Variants in FUT8 observed in about 807,000 individuals in gnomAD.
The protein encoded by FUT8 is alpha-(1,6)-fucosyltransferase.
FUT8 carries 29 observed loss-of-function variants against 71.3 expected under a neutral mutation model. That is an observed-to-expected ratio of 0.41 (90% CI 0.30 to 0.55). The LOEUF is 0.55. Ranked by LOEUF, FUT8 falls within the 20% of genes least tolerant of loss-of-function variation. The probability of loss-of-function intolerance (pLI) is 0.34; values close to 1 mark genes in which losing one functional copy is unlikely to be tolerated. For missense variants in FUT8, 544 were observed against 702.1 expected, an observed-to-expected ratio of 0.77 and a Z score of 2.55; for synonymous variants, 254 against 239.3, an observed-to-expected ratio of 1.06 and a Z score of -0.57.
intron 2 of FUT8, among the ~76,000 whole-genome samples, chr14:65,512,306 C>T (rs570161493): frequency 6.6e-6 from 1 of 152,278 alleles, no homozygotes; most frequent in South Asian, 2.1e-4. Context: ...GCTGGGATTA[C>T]AGATGTGCAC....
chr14:65,653,290 A>G (rs1027393178), intron 6 of FUT8, among the ~76,000 whole-genome samples: 2 of 152,154 alleles, frequency 1.3e-5, no homozygotes, highest in African/African-American at 4.8e-5. Context: ...ATACACCTCT[A>G]TTATCAGATT....
intron 6 of FUT8, among the ~76,000 whole-genome samples, chr14:65,663,924 G>A (rs1414493177): frequency 6.6e-6 from 1 of 151,960 alleles, no homozygotes; most frequent in Non-Finnish European, 1.5e-5. Flanking sequence ...CCAAACTAAA[G>A]GTCAGATGTT....
intron 2 of FUT8, among the ~76,000 whole-genome samples, chr14:65,466,749 A>G (rs1011475318): frequency 1.3e-5 from 2 of 150,242 alleles, no homozygotes; most frequent in African/African-American, 4.9e-5. Context: ...GACTGTCTCA[A>G]AAAAAAAAAG....
chr14:65,461,516 G>A (rs1202666721), intron 2 of FUT8, among the ~76,000 whole-genome samples: 1 of 152,198 alleles, frequency 6.6e-6, no homozygotes, highest in Non-Finnish European at 1.5e-5. Context: ...ATGGCAGACT[G>A]ATGTTAGCTT....
intron 2 of FUT8, among the ~76,000 whole-genome samples, chr14:65,506,667 A>G (rs577414893): frequency 1.2e-4 from 18 of 152,146 alleles, no homozygotes; most frequent in Non-Finnish European, 2.2e-4. Context: ...CATAGTAGGT[A>G]TATGTATTTA....
chr14:65,482,537 C>A (rs1210869935), intron 2 of FUT8, among the ~76,000 whole-genome samples: 2 of 152,152 alleles, frequency 1.3e-5, no homozygotes, highest in African/African-American at 4.8e-5. Context: ...AAATCAATTT[C>A]TAAATGGATC....
At chr14:65,536,563 G>C (rs1309087983) in intron 2 of FUT8, among the ~76,000 whole-genome samples, 1 of 152,118 alleles carries the variant, frequency 6.6e-6, no homozygotes, top group Admixed American at 6.5e-5. Context: ...ATTTCTTCAA[G>C]ATATTGAATA....
At chr14:65,414,871 G>T (rs542474601) in intron 1 of FUT8, among the ~76,000 whole-genome samples, 18 of 152,134 alleles carry the variant, frequency 1.2e-4, no homozygotes, top group Non-Finnish European at 2.6e-4. Flanking sequence ...ATAGGATAGT[G>T]ATTCAAAATA....
intron 2 of FUT8, among the ~76,000 whole-genome samples, chr14:65,520,702 A>G (rs1037166090): frequency 1.3e-5 from 2 of 152,048 alleles, no homozygotes; most frequent in African/African-American, 4.8e-5. Flanking sequence ...AACTATGTCT[A>G]TGGTTCTGTT....
chr14:65,404,811 C>A, the FUT8 span, among the ~76,000 whole-genome samples: 1 of 152,168 alleles, frequency 6.6e-6, no homozygotes, highest in East Asian at 1.9e-4. Flanking sequence ...ATTGATCCAG[C>A]CTAACTCAAT....
Position 65,607,373 on chromosome 14 carries a change from C to T in FUT8, c.204-8605C>T, listed in dbSNP as rs540236462. Reference sequence around the variant, plus strand: ...TGAATTAAAGAGTTTACCTTCCATTCATTCTTTCTTGTTAAGGTGTTTATA... The same window carrying T: ...TGAATTAAAGAGTTTACCTTCCATTTATTCTTTCTTGTTAAGGTGTTTATA... On this transcript the variant is annotated intron_variant, in intron 3 of 10. Transcript: ENST00000673929. The surrounding 1 kb of genome is among the most constrained non-coding windows in gnomAD (Gnocchi z 4.1). Among the ~76,000 whole-genome samples, 1 of 151,984 alleles carries T rather than the reference C, an allele frequency of 6.6e-6. No homozygotes were observed. Among genetic ancestry groups the T allele is most frequent in the East Asian group, 1.9e-4 (1 of 5,178 alleles).
chr14:65,683,752 G>A (rs932832495), intron 7 of FUT8, among the ~76,000 whole-genome samples: 5 of 152,070 alleles, frequency 3.3e-5, no homozygotes, highest in African/African-American at 4.8e-5. Context: ...GAGGCATAAA[G>A]ATTCCCTGAT....
intron 2 of FUT8, among the ~76,000 whole-genome samples, chr14:65,545,627 T>C (rs544999472): frequency 3.3e-5 from 5 of 151,972 alleles, no homozygotes; most frequent in African/African-American, 1.2e-4. Context: ...AATAATGATT[T>C]TGGTTTTTAC....
rs2066165432 is a variant in FUT8, at chr14:65,472,618, G to A, written c.-228+16900G>A. Among the ~76,000 whole-genome samples the A allele has an allele frequency of 6.6e-6, 1 of 151,778 alleles. No homozygotes were observed. The highest frequency in any genetic ancestry group is 2.4e-5 in the African/African-American group (1 of 41,318). ...CTTTTTGGGTGTAGGGTCATGTCAG[G>A]CTTTACTAATTGCACTTCTGATAAG... On this transcript the variant is annotated intron_variant, in intron 2 of 10. Coordinates refer to ENST00000673929, the MANE Select transcript of FUT8 (RefSeq NM_001371533.1). This position sits in a 1 kb window ranked among gnomAD's most constrained non-coding sequence, Gnocchi z 4.4.
At chr14:65,611,301 A>ACACACAC in intron 3 of FUT8, among the ~76,000 whole-genome samples, 1 of 38,630 alleles carries the variant, frequency 2.6e-5, no homozygotes, top group African/African-American at 1.4e-4. Context: ...ACACACACAC[A>ACACACAC]CCCCCCAAGT....
At chr14:65,605,150 C>G (rs1282259139) in intron 3 of FUT8, among the ~76,000 whole-genome samples, 1 of 151,828 alleles carries the variant, frequency 6.6e-6, no homozygotes, top group Admixed American at 6.6e-5. Flanking sequence ...TCTAGTGTCT[C>G]CTTGTGGACA....
chr14:65,650,022 T>C lies in FUT8; in HGVS notation c.598-19221T>C, dbSNP rs191279441. ...TGCTATAAAGAAATACCTGGCTGGG[T>C]GCGGTGGCTCACGCCTGTAATGCCA... On this transcript the variant is annotated intron_variant, in intron 6 of 10. Coordinates refer to ENST00000673929, the MANE Select transcript of FUT8 (RefSeq NM_001371533.1). 7.6e-4 allele frequency among the ~76,000 whole-genome samples: 116 copies of C among 152,152 alleles called. No homozygotes were observed. In the East Asian group the frequency reaches 8.3e-3, roughly 11 times the overall value.
chr14:65,437,948 T>C (rs141871677), intron 1 of FUT8, among the ~76,000 whole-genome samples: 2 of 152,312 alleles, frequency 1.3e-5, no homozygotes, highest in African/African-American at 4.8e-5. Flanking sequence ...TTATTTCTGC[T>C]TTGGTGTTTT....
intron 7 of FUT8, among the ~76,000 whole-genome samples, chr14:65,712,696 C>G (rs955077457): frequency 3.3e-5 from 5 of 152,306 alleles, no homozygotes; most frequent in South Asian, 2.1e-4. Context: ...CCTCCTGCCT[C>G]AGTCTCCCAA....
Sources: gnomAD v4.1 joint callset for allele counts (sites outside exome capture counted in the v4.1 genomes callset) on GRCh38, gnomAD v4.1.1 for gene constraint, Gnocchi (gnomAD v3.1) non-coding constraint, MANE v1.5 for transcripts, NCBI Gene and HGNC (gene_info 2026-07-23, HGNC 2026-07-21) for gene names.